The following KIF4A variants were observed in gnomAD, a reference collection of about 807,000 sequenced individuals.
The protein encoded by KIF4A is kinesin family member 4A.
Under a neutral mutation model 105.9 loss-of-function variants are expected in KIF4A, and 7 were observed. The ratio of observed to expected loss-of-function variants is 0.07; its 90% CI spans 0.04 to 0.12. KIF4A has a LOEUF of 0.12. Ranked by LOEUF, KIF4A falls within the 10% of genes least tolerant of loss-of-function variation. The pLI, the probability that KIF4A is intolerant of heterozygous loss-of-function variation, is 1.00. For missense variants in KIF4A, 558 were observed against 929.2 expected (o/e 0.60, Z 5.19); for synonymous variants, 281 against 331.3 (o/e 0.85, Z 1.65).
chrX:70,380,421 GACAAGAACC>G (rs1415459479), intron 18 of KIF4A, among the ~76,000 whole-genome samples: 3 of 111,999 alleles, frequency 2.7e-5, no homozygotes, highest in Non-Finnish European at 5.6e-5. Context: ...TAGGAAAAAG[GACAAGAACC>G]ACATGATCAT....
At chrX:70,294,387 T>TA (rs1435384858) in intron 3 of KIF4A, among the ~76,000 whole-genome samples, 6 of 112,611 alleles carry the variant, frequency 5.3e-5, no homozygotes, top group African/African-American at 1.9e-4. Context: ...AGTATACTCT[T>TA]AAAAATGATA....
At chrX:70,349,829 G>A (rs1453360975) in intron 13 of KIF4A, among the ~76,000 whole-genome samples, 5 of 88,198 alleles carry the variant, frequency 5.7e-5, no homozygotes, top group Non-Finnish European at 8.5e-5. Flanking sequence ...GGGCAGAGGC[G>A]CTCCTCACTT....
chrX:70,386,844 G>A (rs1157770051), intron 19 of KIF4A, 143 bp downstream of exon 19: 4 of 481,740 alleles, frequency 8.3e-6, no homozygotes, highest in African/African-American at 7.2e-5. Context: ...CTTGATCACT[G>A]TTTATATGCC....
At chrX:70,394,690 A>C (rs1454989761) in intron 20 of KIF4A, among the ~76,000 whole-genome samples, 1 of 111,157 alleles carries the variant, frequency 9.0e-6, no homozygotes, top group Non-Finnish European at 1.9e-5. Context: ...TTTATGATTT[A>C]TATTATCTTT....
chrX:70,400,549 A>G (rs1326961736), intron 22 of KIF4A, among the ~76,000 whole-genome samples: 1 of 111,611 alleles, frequency 9.0e-6, no homozygotes, highest in East Asian at 2.8e-4. Flanking sequence ...TCCCATCTGC[A>G]TATTCATGTG....
At chrX:70,373,522 A>ACG in intron 15 of KIF4A, among the ~76,000 whole-genome samples, 2 of 5,272 alleles carry the variant, frequency 3.8e-4, no homozygotes, top group South Asian at 0.019. Context: ...ATGTGTGTGT[A>ACG]TGTATATATA....
chrX:70,386,516 G>T, intron 18 of KIF4A, 102 bp from the exon 19 acceptor site: 2 of 598,795 alleles, frequency 3.3e-6, no homozygotes, highest in Non-Finnish European at 5.5e-6. Flanking sequence ...CTGTATTGTA[G>T]TTAACCTTAC....
chrX:70,392,323 T>C (rs1386845446), intron 20 of KIF4A, among the ~76,000 whole-genome samples: 1 of 112,063 alleles, frequency 8.9e-6, no homozygotes, highest in Non-Finnish European at 1.9e-5. Context: ...GTTTTGCTTT[T>C]TGGGGAGAGG....
intron 28 of KIF4A, among the ~76,000 whole-genome samples, chrX:70,413,117 C>CA (rs1237062510): frequency 3.6e-5 from 4 of 112,079 alleles, no homozygotes; most frequent in Non-Finnish European, 7.5e-5. Flanking sequence ...ATTCGTTTGA[C>CA]AAATTTTTTT....
chrX:70,354,679 G>T lies in KIF4A; in HGVS notation c.1674+872G>T, dbSNP rs1243378389. Reference sequence around the variant, plus strand: ...GGGAAGTAGCCTTTTGAAGACAGAAGTGGGGAGGAGAGAACAGTGGACAAG... The same window carrying T: ...GGGAAGTAGCCTTTTGAAGACAGAATTGGGGAGGAGAGAACAGTGGACAAG... On this transcript the variant is annotated intron_variant, in intron 15 of 30. Transcript: ENST00000374403. Among the ~76,000 whole-genome samples the T allele has an allele frequency of 3.6e-5, 4 of 112,294 alleles. No homozygotes were observed. The East Asian group carries it at 1.1e-3, about 31-fold the overall frequency.
intron 3 of KIF4A, among the ~76,000 whole-genome samples, chrX:70,295,747 C>G (rs1041548724): frequency 9.2e-6 from 1 of 108,229 alleles, no homozygotes; most frequent in East Asian, 3.0e-4. Flanking sequence ...GAAACCCCGT[C>G]TCTACTAAAA....
In KIF4A at chrX:70,375,183, TTCTACAGCA is replaced by T. The variant is rs2086169995; in HGVS notation, c.1779-17_1779-9del. 2 of 1,206,654 alleles carry T rather than the reference TTCTACAGCA, an allele frequency of 1.7e-6. No individual in the cohort carries two copies. The highest frequency in any genetic ancestry group is 2.2e-6 in the Non-Finnish European group (2 of 894,384). On this transcript the variant is annotated splice_polypyrimidine_tract_variant and intron_variant, in intron 16 of 30. Coordinates refer to ENST00000374403, the MANE Select transcript of KIF4A (RefSeq NM_012310.5). ...AGGCTTTGCTGCTGGTAGTCCTCAC[TTCTACAGCA>T]TCTGTGTTTAGGTTGAGTGAGCGCC...
At position 70,329,801 on chromosome X, in the gene KIF4A, C is replaced by T. The variant is rs11798673; in HGVS notation, c.895+280C>T. Among the ~76,000 whole-genome samples, 498 of 111,470 alleles carry T rather than the reference C, an allele frequency of 4.5e-3. 6 individuals are homozygous for T. Among genetic ancestry groups the T allele is most frequent in the Non-Finnish European group, 6.4e-3 (339 of 53,097 alleles). Reference sequence around the variant, plus strand: ...GTTACTGTTTCTTTAATTATTAGTGCGGCTAAGCAGAATTCCCTGGAGAGT... The same window carrying T: ...GTTACTGTTTCTTTAATTATTAGTGTGGCTAAGCAGAATTCCCTGGAGAGT... On this transcript the variant is annotated intron_variant, in intron 8 of 30. Coordinates refer to ENST00000374403, the MANE Select transcript of KIF4A (RefSeq NM_012310.5).
rs1316460042 is a variant in KIF4A at position 70,420,182 on chromosome X, C to G, written c.3616C>G (p.Pro1206Ala). The change falls in exon 31 of 31, where the codon CCA becomes GCA. Residue 1206 changes from proline to alanine, a missense_variant. Pro to Ala is a conservative substitution (Grantham distance 27, BLOSUM62 -1). Coordinates refer to ENST00000374403, the MANE Select transcript of KIF4A (RefSeq NM_012310.5). ...VATEYQENKA[P>A]GKKKKRALAS... ...AACAGAATACCAAGAAAACAAGGCT[C>G]CAGGGAAGAAAAAGAAACGGGCTCT... The G allele has an allele frequency of 8.3e-7, 1 of 1,211,099 alleles. No homozygotes were observed. Among genetic ancestry groups the G allele is most frequent in the Admixed American group, 2.2e-5 (1 of 45,898 alleles).
chrX:70,404,220 A>G (rs1330244882), intron 24 of KIF4A, among the ~76,000 whole-genome samples, 186 bp downstream of exon 24: 2 of 112,165 alleles, frequency 1.8e-5, no homozygotes, highest in South Asian at 3.7e-4. Flanking sequence ...ACCAGTGACA[A>G]TGGCTCTGGG....
intron 25 of KIF4A, 142 bp from the exon 26 acceptor site, chrX:70,405,686 T>C (rs2086297431): frequency 2.1e-6 from 1 of 475,570 alleles, no homozygotes; most frequent in East Asian, 3.7e-5. Flanking sequence ...CAGACATTTT[T>C]CTGGGTGCCA....
At chrX:70,317,476 A>G (rs1354554788) in intron 7 of KIF4A, among the ~76,000 whole-genome samples, 4 of 108,747 alleles carry the variant, frequency 3.7e-5, no homozygotes. Context: ...CCCCTCCGAG[A>G]TCATGATCCC....
intron 10 of KIF4A, among the ~76,000 whole-genome samples, chrX:70,337,874 C>T (rs1037005540): frequency 1.8e-5 from 2 of 112,016 alleles, no homozygotes; most frequent in Non-Finnish European, 3.8e-5. Context: ...TACCATTTTA[C>T]ATCTCCACCA....
chrX:70,290,329 C>T, intron 1 of KIF4A, 109 bp from the exon 2 acceptor site: 1 of 953,366 alleles, frequency 1.0e-6, no homozygotes, highest in Non-Finnish European at 1.4e-6. Flanking sequence ...GAGCGTGAAT[C>T]TCCCAAGTCA....
Sources: gnomAD v4.1 joint callset for allele counts (sites outside exome capture counted in the v4.1 genomes callset) on GRCh38, gnomAD v4.1.1 for gene constraint, MANE v1.5 for transcripts, NCBI Gene and HGNC (gene_info 2026-07-23, HGNC 2026-07-21) for gene names.